The following ADAM12 variants were observed in gnomAD, a reference collection of about 807,000 sequenced individuals.
The protein encoded by ADAM12 is ADAM metallopeptidase domain 12, also known as disintegrin and metalloproteinase domain-containing protein 12.
A neutral mutation model predicts 106.4 loss-of-function variants in ADAM12; 70 were observed. That is an observed-to-expected ratio of 0.66 (90% CI 0.54 to 0.80). The LOEUF is 0.80. Among genes scored for constraint, ADAM12 ranks in the 30% least tolerant of loss-of-function variants. ADAM12 has a pLI of 0.00. For synonymous variants in ADAM12, 420 were observed against 433.5 expected (o/e 0.97, Z 0.39); for missense variants, 1,010 against 1,171.9 (o/e 0.86, Z 2.02).
At position 126,066,021 on chromosome 10, in the gene ADAM12, G is replaced by A. The variant is rs1016043391; in HGVS notation, c.1413+696C>T. On this transcript the variant is annotated intron_variant, in intron 13 of 22. Transcript: ENST00000448723. The surrounding 1 kb of genome is among the most constrained non-coding windows in gnomAD (Gnocchi z 5.1). The stretch of plus-strand genomic sequence containing the variant: ...ACTTCTAAATCACCGTGCTCACGTG[G>A]GGCAGCTAAGAGGGAGTTTCCTGCA... Among the ~76,000 whole-genome samples the A allele has an allele frequency of 6.6e-6, 1 of 152,156 alleles. No homozygotes were observed. The highest frequency in any genetic ancestry group is 1.5e-5 in the Non-Finnish European group (1 of 68,028).
intron 3 of ADAM12, among the ~76,000 whole-genome samples, chr10:126,167,278 A>T (rs1039170642): frequency 3.9e-5 from 6 of 152,242 alleles, no homozygotes; most frequent in Admixed American, 3.9e-4. Context: ...GGGGTCACAC[A>T]GCTGGCACTG....
chr10:126,020,384 A>G (rs1325747466), intron 21 of ADAM12, among the ~76,000 whole-genome samples: 6 of 152,130 alleles, frequency 3.9e-5, no homozygotes, highest in Non-Finnish European at 7.3e-5. Flanking sequence ...CAGAGAATTG[A>G]TGCAGTGGTC....
chr10:126,314,730 G>GCATGAATATCAAGGCC (rs1961271912), intron 2 of ADAM12, among the ~76,000 whole-genome samples: 1 of 152,136 alleles, frequency 6.6e-6, no homozygotes, highest in African/African-American at 2.4e-5. Flanking sequence ...CAAGCCCCCA[G>GCATGAATATCAAGGCC]CATGATATTC....
chr10:126,311,210 G>T (rs761901481), intron 2 of ADAM12, among the ~76,000 whole-genome samples: 1 of 151,674 alleles, frequency 6.6e-6, no homozygotes, highest in Non-Finnish European at 1.5e-5. Context: ...AAATTTAACC[G>T]GGCATCCTAT....
chr10:126,383,142 G>T (rs1856550190), intron 1 of ADAM12, among the ~76,000 whole-genome samples: 1 of 151,864 alleles, frequency 6.6e-6, no homozygotes, highest in African/African-American at 2.4e-5. Context: ...GAGATGTGGT[G>T]GGGTTGGGGG....
At chr10:126,287,378 T>C (rs537969647) in intron 2 of ADAM12, among the ~76,000 whole-genome samples, 1 of 152,278 alleles carries the variant, frequency 6.6e-6, no homozygotes, top group South Asian at 2.1e-4. Flanking sequence ...CACTATGACA[T>C]GGATTTCTCA....
chr10:126,228,591 G>A (rs1246231635), intron 3 of ADAM12, among the ~76,000 whole-genome samples: 1 of 152,132 alleles, frequency 6.6e-6, no homozygotes, highest in Non-Finnish European at 1.5e-5. Flanking sequence ...TAGAAATCAT[G>A]TTTCTAGTAG....
chr10:126,141,402 C>T (rs1956509000), intron 4 of ADAM12, among the ~76,000 whole-genome samples: 1 of 152,214 alleles, frequency 6.6e-6, no homozygotes, highest in Non-Finnish European at 1.5e-5. Context: ...CATTCTATTT[C>T]TACCAACAAA....
intron 3 of ADAM12, among the ~76,000 whole-genome samples, chr10:126,213,212 T>C (rs1957932413): frequency 6.6e-6 from 1 of 152,204 alleles, no homozygotes; most frequent in Non-Finnish European, 1.5e-5. Flanking sequence ...TTATTTGTGT[T>C]CTGGCAAAAG....
chr10:126,226,494 C>T (rs910426718), intron 3 of ADAM12, among the ~76,000 whole-genome samples: 1 of 152,212 alleles, frequency 6.6e-6, no homozygotes, highest in Non-Finnish European at 1.5e-5. Context: ...CACATGTCAT[C>T]ACAAGAGGAC....
At chr10:126,192,764 C>T (rs1957526573) in intron 3 of ADAM12, among the ~76,000 whole-genome samples, 1 of 152,126 alleles carries the variant, frequency 6.6e-6, no homozygotes, top group Non-Finnish European at 1.5e-5. Context: ...GCATGGAGGC[C>T]AGTGAAATTT....
intron 2 of ADAM12, among the ~76,000 whole-genome samples, chr10:126,327,237 T>C (rs528413691): frequency 1.3e-5 from 2 of 152,364 alleles, no homozygotes; most frequent in East Asian, 3.9e-4. Context: ...GATGCGGATG[T>C]GAGGAATGCC....
At chr10:126,357,045 A>G (rs1164853293) in intron 1 of ADAM12, among the ~76,000 whole-genome samples, 1 of 152,224 alleles carries the variant, frequency 6.6e-6, no homozygotes, top group Admixed American at 6.5e-5. Flanking sequence ...TAATACATTT[A>G]AAGAAATAAT....
chr10:126,210,596 G>A (rs140380077), intron 3 of ADAM12, among the ~76,000 whole-genome samples: 2 of 152,342 alleles, frequency 1.3e-5, no homozygotes, highest in African/African-American at 4.8e-5. Flanking sequence ...AATAAAAGAA[G>A]TCCAGTGAAG....
At chr10:126,137,897 T>G (rs1005746363) in intron 4 of ADAM12, among the ~76,000 whole-genome samples, 3 of 152,368 alleles carry the variant, frequency 2.0e-5, no homozygotes, top group African/African-American at 7.2e-5. Flanking sequence ...ATATGCACTA[T>G]GAGTAGACAC....
intron 1 of ADAM12, among the ~76,000 whole-genome samples, chr10:126,379,458 G>A (rs188361082): frequency 1.8e-4 from 27 of 152,128 alleles, no homozygotes; most frequent in Admixed American, 2.6e-4. Flanking sequence ...ACCAAACACC[G>A]CATGTTCTCA....
At chr10:126,093,270 C>T (rs895535274) in intron 11 of ADAM12, among the ~76,000 whole-genome samples, 3 of 152,206 alleles carry the variant, frequency 2.0e-5, no homozygotes, top group African/African-American at 7.2e-5. Context: ...AAGAACACAT[C>T]TGAATCTCTA....
At chr10:126,041,341 C>T (rs752696349) in intron 18 of ADAM12, 53 of 985,586 alleles carry the variant, frequency 5.4e-5, no homozygotes, top group Admixed American at 6.2e-5. Flanking sequence ...GTGGAGGCAG[C>T]GGTATTTCAA....
intron 3 of ADAM12, among the ~76,000 whole-genome samples, chr10:126,242,267 A>G (rs540109200): frequency 1.3e-5 from 2 of 152,242 alleles, no homozygotes; most frequent in Non-Finnish European, 1.5e-5. Context: ...TTGTAAAAAC[A>G]TACTTTAAAA....
Sources: allele counts gnomAD v4.1 joint callset (sites outside exome capture counted in the v4.1 genomes callset), GRCh38; gene constraint gnomAD v4.1.1; non-coding constraint Gnocchi (gnomAD v3.1); transcripts MANE v1.5; gene names NCBI Gene and HGNC (gene_info 2026-07-23, HGNC 2026-07-21).